UBXN7: variants seen among roughly 807,000 people sequenced by gnomAD.
UBXN7 encodes the protein UBX domain protein 7, also known as UBX domain-containing protein 7.
A neutral mutation model predicts 58.0 loss-of-function variants in UBXN7; 9 were observed. That is an observed-to-expected ratio of 0.16 (90% confidence interval 0.09 to 0.27). The LOEUF is 0.27. UBXN7 is among the 10% of genes least tolerant of loss of function. UBXN7 has a pLI of 1.00. For missense variants in UBXN7, 328 were observed against 599.6 expected, an observed-to-expected ratio of 0.55 and a Z score of 4.73; for synonymous variants, 208 against 205.0, an observed-to-expected ratio of 1.01 and a Z score of -0.12.
At chr3:196,372,816 G>T (rs113361293) in intron 5 of UBXN7, among the ~76,000 whole-genome samples, 1 of 151,930 alleles carries the variant, frequency 6.6e-6, no homozygotes, top group African/African-American at 2.4e-5. Flanking sequence ...CACGATCTCG[G>T]CTCACTACAA....
intron 3 of UBXN7, among the ~76,000 whole-genome samples, chr3:196,396,778 T>C (rs972451912): frequency 2.0e-5 from 3 of 151,934 alleles, no homozygotes; most frequent in African/African-American, 7.2e-5. Flanking sequence ...AAATAAAAAA[T>C]AAAAACCAAG....
chr3:196,394,286 CAAA>C (rs34194652), intron 3 of UBXN7, among the ~76,000 whole-genome samples: 1 of 88,206 alleles, frequency 1.1e-5, no homozygotes, highest in Non-Finnish European at 2.1e-5. Context: ...AACTCCATCT[CAAA>C]AAAAAAAAAA....
In UBXN7 at chr3:196,396,012, C is replaced by T. The variant is rs529207176; in HGVS notation, c.290-2393G>A. Among the ~76,000 whole-genome samples, 51 of 152,212 alleles carry T rather than the reference C, an allele frequency of 3.4e-4. No individual in the cohort carries two copies. The East Asian group carries it at 9.7e-3, about 29-fold the overall frequency. ...AACTCCTGACCTCAAGTGATCCACCCGCCTCGGCTACCAAAAGTGCTGGAA... is the reference window on the plus strand; with the variant it reads ...AACTCCTGACCTCAAGTGATCCACCTGCCTCGGCTACCAAAAGTGCTGGAA... On this transcript the variant is annotated intron_variant, in intron 3 of 10. Coordinates refer to ENST00000296328, the MANE Select transcript of UBXN7 (RefSeq NM_015562.2).
chr3:196,364,999 T>A (rs978181003), intron 8 of UBXN7, among the ~76,000 whole-genome samples: 1 of 152,132 alleles, frequency 6.6e-6, no homozygotes, highest in African/African-American at 2.4e-5. Context: ...TGTAGCTCGA[T>A]TTTAAAAATT....
chr3:196,394,225 T>C (rs1311968391), intron 3 of UBXN7, among the ~76,000 whole-genome samples: 1 of 148,514 alleles, frequency 6.7e-6, no homozygotes, highest in Non-Finnish European at 1.5e-5. Context: ...GAGACAGAGG[T>C]TGCAGTAAGC....
intron 1 of UBXN7, among the ~76,000 whole-genome samples, chr3:196,417,258 G>C (rs990385864): frequency 6.6e-6 from 1 of 152,174 alleles, no homozygotes; most frequent in Non-Finnish European, 1.5e-5. Context: ...CTTGCAGTGA[G>C]CCGAGATCGC....
chr3:196,386,243 A>G (rs1729391157), intron 5 of UBXN7, among the ~76,000 whole-genome samples: 1 of 152,076 alleles, frequency 6.6e-6, no homozygotes. Flanking sequence ...ACACTGCGGA[A>G]GGCAGCAGGG....
At chr3:196,377,770 G>A (rs931660304) in intron 5 of UBXN7, among the ~76,000 whole-genome samples, 3 of 152,136 alleles carry the variant, frequency 2.0e-5, no homozygotes, top group East Asian at 1.9e-4. Context: ...GGGCTCAAGC[G>A]ATCCTCCTAC....
At chr3:196,392,361 C>T (rs554332839) in intron 4 of UBXN7, among the ~76,000 whole-genome samples, 3 of 151,728 alleles carry the variant, frequency 2.0e-5, no homozygotes, top group South Asian at 2.1e-4. Flanking sequence ...AAAAAAAAGC[C>T]GGGCATGGTG....
At chr3:196,373,733 T>C (rs1728910429) in intron 5 of UBXN7, among the ~76,000 whole-genome samples, 2 of 152,232 alleles carry the variant, frequency 1.3e-5, no homozygotes, top group African/African-American at 4.8e-5. Context: ...TTGTTTATAT[T>C]TTTTGTAGAG....
Position 196,387,400 on chromosome 3 carries a change from A to G in UBXN7, c.468+4413T>C, listed in dbSNP as rs552819916. On this transcript the variant is annotated intron_variant, in intron 5 of 10. Coordinates refer to ENST00000296328, the MANE Select transcript of UBXN7 (RefSeq NM_015562.2). The stretch of plus-strand genomic sequence containing the variant: ...TGGGCAAAGACTTCACAACTAAAAC[A>G]CCAATAGCAATGGCAACAAAAGCCA... 2.0e-5 allele frequency among the ~76,000 whole-genome samples: 3 copies of G among 152,332 alleles called. No homozygotes were observed. The East Asian group carries it at 5.8e-4, about 29-fold the overall frequency.
At chr3:196,368,590 A>G (rs1728732503) in intron 7 of UBXN7, among the ~76,000 whole-genome samples, 1 of 152,206 alleles carries the variant, frequency 6.6e-6, no homozygotes, top group African/African-American at 2.4e-5. Flanking sequence ...TGTCTTCATA[A>G]CCTAGAAGTC....
chr3:196,391,561 T>C (rs1023865384), intron 5 of UBXN7, among the ~76,000 whole-genome samples: 16 of 151,854 alleles, frequency 1.1e-4, no homozygotes, highest in Non-Finnish European at 1.8e-4. Flanking sequence ...TGAGACCCTG[T>C]CTCTACCAAA....
intron 3 of UBXN7, among the ~76,000 whole-genome samples, chr3:196,394,407 C>T (rs1319188407): frequency 1.3e-5 from 2 of 151,664 alleles, no homozygotes; most frequent in Non-Finnish European, 2.9e-5. Context: ...TCAAGACCAG[C>T]CTGATTAACA....
Position 196,356,610 on chromosome 3 carries a change from A to G in UBXN7, c.*75T>C. On this transcript the variant is annotated 3_prime_UTR_variant, in exon 11 of 11. Transcript: ENST00000296328. The stretch of plus-strand genomic sequence containing the variant: ...TTGGCTCTGTGGTCCTATGAGCCAA[A>G]ATGCATACTTAGTGACATGTATCTC... The G allele has an allele frequency of 6.6e-7, 1 of 1,514,824 alleles. No homozygotes were observed. 93.8% of individuals were successfully genotyped at this position (1,514,824 alleles called of 1,614,324 possible). A position where few individuals can be genotyped will look rare whatever the true frequency, so the allele number is the denominator to read the frequency against.
At chr3:196,367,254 C>T (rs1728696942) in intron 8 of UBXN7, among the ~76,000 whole-genome samples, 1 of 151,926 alleles carries the variant, frequency 6.6e-6, no homozygotes, top group South Asian at 2.1e-4. Flanking sequence ...GCCAAACAGC[C>T]ATGAAAACCA....
At chr3:196,412,873 CAGAAAGT>C (rs546724799) in intron 1 of UBXN7, among the ~76,000 whole-genome samples, 44 of 152,170 alleles carry the variant, frequency 2.9e-4, no homozygotes, top group South Asian at 1.0e-3. Flanking sequence ...AAAATCGAGT[CAGAAAGT>C]AGAATGATGG....
At chr3:196,422,072 C>G (rs974045382) in intron 1 of UBXN7, among the ~76,000 whole-genome samples, 1 of 151,886 alleles carries the variant, frequency 6.6e-6, no homozygotes, top group Non-Finnish European at 1.5e-5. Flanking sequence ...AGGTGGTGCA[C>G]GCCTGTAGTC....
At chr3:196,403,093 G>T in intron 2 of UBXN7, 74 bp from the exon 3 acceptor site, 1 of 1,375,574 alleles carries the variant, frequency 7.3e-7, no homozygotes. Flanking sequence ...TAAATACTGT[G>T]AATATATTCA....
Sources: allele counts gnomAD v4.1 joint callset (sites outside exome capture counted in the v4.1 genomes callset), GRCh38; gene constraint gnomAD v4.1.1; transcripts MANE v1.5; gene names NCBI Gene and HGNC (gene_info 2026-07-23, HGNC 2026-07-21).